The following POLR3E variants were observed in gnomAD, a reference collection of about 807,000 sequenced individuals.
The protein encoded by POLR3E is RNA polymerase III subunit E, also known as DNA-directed RNA polymerase III subunit RPC5.
Under a neutral mutation model 96.6 loss-of-function variants are expected in POLR3E, and 41 were observed. The observed-to-expected ratio is 0.42, with a 90% confidence interval of 0.33 to 0.55. POLR3E has a LOEUF of 0.55. POLR3E is among the 20% of genes least tolerant of loss of function. The pLI, the probability that POLR3E is intolerant of heterozygous loss-of-function variation, is 0.06. For missense variants in POLR3E, 849 were observed against 952.1 expected, an observed-to-expected ratio of 0.89 and a Z score of 1.43; for synonymous variants, 396 against 383.6, an observed-to-expected ratio of 1.03 and a Z score of -0.38.
At chr16:22,308,349 C>G in intron 4 of POLR3E, 124 bp downstream of exon 4, 1 of 763,970 alleles carries the variant, frequency 1.3e-6, no homozygotes, top group Non-Finnish European at 2.3e-6. Context: ...ACTCCCAGGC[C>G]CTTGAAAGCT....
chr16:22,298,591 C>G (rs917198174), intron 1 of POLR3E, among the ~76,000 whole-genome samples: 4 of 152,100 alleles, frequency 2.6e-5, no homozygotes, highest in African/African-American at 9.7e-5. Flanking sequence ...GTTCTCGGGT[C>G]CAAGCTCTTA....
Position 22,308,233 on chromosome 16 carries a change from T to G in POLR3E, c.165+8T>G. 6.2e-7 allele frequency: 1 copy of G among 1,610,834 alleles called. No homozygotes were observed. The highest frequency in any genetic ancestry group is 8.5e-7 in the Non-Finnish European group (1 of 1,177,146). ...AAGCCCAAGCAGCAGAAGGTGGGGC[T>G]GCCCCCTGAGGGCAGTTGGGGCCGA... On this transcript the variant is annotated splice_region_variant and intron_variant, in intron 4 of 20. Coordinates refer to ENST00000299853, the MANE Select transcript of POLR3E (RefSeq NM_018119.4).
intron 1 of POLR3E, among the ~76,000 whole-genome samples, chr16:22,298,574 C>T (rs1026796152): frequency 7.9e-5 from 12 of 152,128 alleles, no homozygotes; most frequent in South Asian, 2.1e-4. Context: ...TGAACCTGCA[C>T]AGTTTTGTTC....
At chr16:22,323,728 C>T (rs1243596551) in intron 14 of POLR3E, among the ~76,000 whole-genome samples, 3 of 152,180 alleles carry the variant, frequency 2.0e-5, no homozygotes, top group Non-Finnish European at 2.9e-5. Context: ...GATACAGTGC[C>T]GTTTGCCCCC....
At chr16:22,323,057 G>A in intron 14 of POLR3E, 126 bp downstream of exon 14, 1 of 637,080 alleles carries the variant, frequency 1.6e-6, no homozygotes, top group Admixed American at 2.6e-5. Context: ...AGGAGGCCCT[G>A]GCCTCTGCCT....
rs140498153 is a variant in POLR3E, at chr16:22,318,639, G to T, written c.866-187G>T. Among the ~76,000 whole-genome samples the T allele has an allele frequency of 6.6e-6, 1 of 152,294 alleles. No individual in the cohort carries two copies. The highest frequency in any genetic ancestry group is 2.4e-5 in the African/African-American group (1 of 41,562). On this transcript the variant is annotated intron_variant, in intron 12 of 20. Transcript: ENST00000299853. The surrounding 1 kb of genome is among the most constrained non-coding windows in gnomAD (Gnocchi z 5.0). ...TCATATAATCCTCAGATTTCATGAG[G>T]TGCCCAGTGCCTGGCATGTAGTGAG...
chr16:22,316,786 C>A (rs971020961), intron 10 of POLR3E, 100 bp downstream of exon 10: 4 of 1,064,220 alleles, frequency 3.8e-6, no homozygotes, highest in Non-Finnish European at 5.8e-6. Context: ...CCTCCTGTAG[C>A]ATGAGGGTGG....
chr16:22,330,782 C>T (rs4275840), intron 19 of POLR3E, among the ~76,000 whole-genome samples: 43,942 of 151,918 alleles, frequency 0.29, 9,847 homozygotes, highest in African/African-American at 0.63. Flanking sequence ...AAGGATACTT[C>T]ATGTAGCAGT....
chr16:22,317,668 T>G (rs112697587), intron 12 of POLR3E, among the ~76,000 whole-genome samples: 9,899 of 143,516 alleles, frequency 0.069, 384 homozygotes, highest in East Asian at 0.13. Context: ...TGTTGTTGTT[T>G]TTTTTTTTAA....
chr16:22,319,222 C>T (rs1331265550), intron 13 of POLR3E, among the ~76,000 whole-genome samples: 2 of 151,774 alleles, frequency 1.3e-5, no homozygotes, highest in Non-Finnish European at 1.5e-5. Flanking sequence ...ATCCACCCAC[C>T]TCGACCTCCC....
intron 6 of POLR3E, among the ~76,000 whole-genome samples, chr16:22,310,853 C>T (rs918420491): frequency 4.5e-4 from 68 of 151,912 alleles, no homozygotes; most frequent in African/African-American, 1.5e-3. Flanking sequence ...GCCTGGGAGG[C>T]GGAGGTTGCA....
At chr16:22,299,331 C>T (rs552901138) in intron 1 of POLR3E, among the ~76,000 whole-genome samples, 2 of 151,446 alleles carry the variant, frequency 1.3e-5, no homozygotes, top group Admixed American at 1.3e-4. Flanking sequence ...CCTTAGGTGG[C>T]TCATGGAAAG....
At chr16:22,333,503 A>G (rs1365707773) in intron 20 of POLR3E, 141 bp from the exon 21 acceptor site, 4 of 601,658 alleles carry the variant, frequency 6.6e-6, no homozygotes, top group Admixed American at 2.6e-5. Context: ...GGTAGTAGCC[A>G]TGGTGGTATG....
chr16:22,308,046 C>T (rs987579285), intron 3 of POLR3E, 102 bp from the exon 4 acceptor site: 1 of 825,850 alleles, frequency 1.2e-6, no homozygotes, highest in African/African-American at 1.7e-5. Context: ...AGGCCAGTCT[C>T]TGCTTGGGGT....
chr16:22,302,768 G>C, intron 1 of POLR3E, 163 bp from the exon 2 acceptor site: 2 of 673,204 alleles, frequency 3.0e-6, no homozygotes, highest in Non-Finnish European at 2.7e-6. Flanking sequence ...GGCTGATGGG[G>C]TATAGGGTTG....
In POLR3E at chr16:22,326,541, C is replaced by A. The variant is rs1373345174; in HGVS notation, c.1866+263C>A. The stretch of plus-strand genomic sequence containing the variant: ...CCTATTGCCTGGCCTGCAGCAGGGC[C>A]TAGTGAAACAGGGCCCCTGCCTGGT... On this transcript the variant is annotated intron_variant, in intron 18 of 20. Transcript: ENST00000299853. 9.0e-6 allele frequency: 5 copies of A among 554,814 alleles called. No individual in the cohort carries two copies. The East Asian group carries it at 1.2e-4, about 14-fold the overall frequency. The allele number at this position is 554,814 out of a possible 1,614,324, so 34.4% of individuals were successfully genotyped here. A position where few individuals can be genotyped will look rare whatever the true frequency, so the allele number is the denominator to read the frequency against.
In POLR3E at chr16:22,302,934, G is replaced by A. The variant is rs376251397; in HGVS notation, c.-35G>A. The stretch of plus-strand genomic sequence containing the variant: ...AGTCTCTCGCCCTCCTTTGCAGATC[G>A]AGCTGAAGGACTGCGCGGCTGGCTC... On this transcript the variant is annotated 5_prime_UTR_variant, in exon 2 of 21. Transcript: ENST00000299853. 11 of 1,607,416 alleles carry A rather than the reference G, an allele frequency of 6.8e-6. No homozygotes were observed. Among genetic ancestry groups the A allele is most frequent in the South Asian group, 1.1e-5 (1 of 90,968 alleles).
intron 3 of POLR3E, among the ~76,000 whole-genome samples, 183 bp from the exon 4 acceptor site, chr16:22,307,965 G>C (rs1451306040): frequency 6.6e-6 from 1 of 152,166 alleles, no homozygotes; most frequent in Non-Finnish European, 1.5e-5. Flanking sequence ...GATGAGAATA[G>C]GGCTGCGGGT....
At chr16:22,317,082 C>T in intron 11 of POLR3E, 33 bp from the exon 12 acceptor site, 1 of 1,613,556 alleles carries the variant, frequency 6.2e-7, no homozygotes, top group East Asian at 2.2e-5. Flanking sequence ...TCCGGGCTGG[C>T]TGCCTCTAAC....
Sources: gnomAD v4.1 joint callset for allele counts (sites outside exome capture counted in the v4.1 genomes callset) on GRCh38, gnomAD v4.1.1 for gene constraint, Gnocchi (gnomAD v3.1) non-coding constraint, MANE v1.5 for transcripts, NCBI Gene and HGNC (gene_info 2026-07-23, HGNC 2026-07-21) for gene names.